TMEM232: variants seen among roughly 807,000 people sequenced by gnomAD.
The protein encoded by TMEM232 is transmembrane protein 232.
Under a neutral mutation model 78.8 loss-of-function variants are expected in TMEM232, and 80 were observed. The observed-to-expected ratio is 1.01, with a 90% CI of 0.85 to 1.22. The LOEUF is 1.22. TMEM232 is among the 50% of genes most tolerant of loss of function. The probability of loss-of-function intolerance (pLI) is 0.00; values close to 1 mark genes in which losing one functional copy is unlikely to be tolerated. For missense variants in TMEM232, 881 were observed against 742.2 expected, an observed-to-expected ratio of 1.19 and a Z score of -2.17; for synonymous variants, 297 against 254.3, an observed-to-expected ratio of 1.17 and a Z score of -1.60.
At chr5:110,427,890 G>A (rs555980263) in intron 12 of TMEM232, among the ~76,000 whole-genome samples, 1 of 151,410 alleles carries the variant, frequency 6.6e-6, no homozygotes, top group Non-Finnish European at 1.5e-5. Flanking sequence ...ATATTTAAGG[G>A]GTATATGAGA....
intron 2 of TMEM232, among the ~76,000 whole-genome samples, chr5:110,660,796 A>G (rs896379177): frequency 6.6e-6 from 1 of 152,196 alleles, no homozygotes; most frequent in African/African-American, 2.4e-5. Context: ...TAATTATAAT[A>G]TCCATCAATC....
chr5:110,597,028 G>C (rs1459486284), intron 10 of TMEM232, among the ~76,000 whole-genome samples: 2 of 152,258 alleles, frequency 1.3e-5, no homozygotes, highest in East Asian at 3.9e-4. Context: ...AATTAGGCAG[G>C]AGAAGGAAAT....
intron 12 of TMEM232, among the ~76,000 whole-genome samples, chr5:110,504,639 C>T (rs1434322372): frequency 6.6e-6 from 1 of 152,196 alleles, no homozygotes; most frequent in Non-Finnish European, 1.5e-5. Context: ...CAATTCGAGT[C>T]TGAAGACAAG....
At chr5:110,567,746 A>C (rs2149681584) in intron 11 of TMEM232, among the ~76,000 whole-genome samples, 1 of 152,038 alleles carries the variant, frequency 6.6e-6, no homozygotes, top group East Asian at 1.9e-4. Context: ...CCACCTTTAC[A>C]CTTTCTCTAG....
intron 1 of TMEM232, among the ~76,000 whole-genome samples, chr5:110,702,353 T>C (rs1795515592): frequency 6.6e-6 from 1 of 151,960 alleles, no homozygotes. Context: ...CCCTGTAGCA[T>C]ACCCCCTTGT....
chr5:110,691,782 A>G (rs1426941080), intron 1 of TMEM232, among the ~76,000 whole-genome samples: 1 of 152,224 alleles, frequency 6.6e-6, no homozygotes, highest in Admixed American at 6.5e-5. Flanking sequence ...TCTTACATGT[A>G]ATGTAAATGA....
chr5:110,540,213 CA>C (rs1042294733), intron 11 of TMEM232, among the ~76,000 whole-genome samples: 12 of 152,164 alleles, frequency 7.9e-5, no homozygotes. Context: ...GAACACAGAT[CA>C]ACTGCCTACT....
intron 3 of TMEM232, among the ~76,000 whole-genome samples, chr5:110,391,527 G>A (rs968300429): frequency 2.0e-5 from 3 of 151,868 alleles, no homozygotes; most frequent in Admixed American, 6.6e-5. Flanking sequence ...TAATATAAAG[G>A]GAATAGGTAA....
At chr5:110,469,369 A>G (rs1336179649) in intron 12 of TMEM232, among the ~76,000 whole-genome samples, 1 of 152,082 alleles carries the variant, frequency 6.6e-6, no homozygotes, top group African/African-American at 2.4e-5. Flanking sequence ...CTGCTGTTAT[A>G]CCCTACCAAA....
At chr5:110,424,563 T>C (rs1757036861) in intron 13 of TMEM232, among the ~76,000 whole-genome samples, 1 of 152,156 alleles carries the variant, frequency 6.6e-6, no homozygotes, top group Non-Finnish European at 1.5e-5. Flanking sequence ...AAGATTCTTG[T>C]CACAAGAAAT....
chr5:110,394,918 C>G lies in TMEM232; in HGVS notation n.390+2855G>C, dbSNP rs113746802. ...TCCCCTTCAAGCAGTAGTCCACTGT[C>G]ACTCAAAGCTTTCAGAATGGTGAGG... On this transcript the variant is annotated intron_variant and non_coding_transcript_variant, in intron 3 of 8. Coordinates refer to the TMEM232 transcript ENST00000507188. 2.4e-4 allele frequency among the ~76,000 whole-genome samples: 37 copies of G among 152,238 alleles called. 1 individual carries two copies. Among genetic ancestry groups the G allele is most frequent in the African/African-American group, 6.5e-4 (27 of 41,552 alleles).
At chr5:110,587,691 ATGTGTGTGTGTGTG>A (rs147127408) in intron 10 of TMEM232, among the ~76,000 whole-genome samples, 105 of 63,104 alleles carry the variant, frequency 1.7e-3, no homozygotes, top group African/African-American at 6.2e-3. Context: ...ATATATATAT[ATGTGTGTGTGTGTG>A]TGTGTGTGTG....
chr5:110,498,502 G>T (rs1446956420), intron 12 of TMEM232, among the ~76,000 whole-genome samples: 1 of 152,060 alleles, frequency 6.6e-6, no homozygotes, highest in Non-Finnish European at 1.5e-5. Flanking sequence ...TACCCTTCCA[G>T]AGGTGATAAA....
At chr5:110,707,754 C>T (rs1310281939) in intron 1 of TMEM232, among the ~76,000 whole-genome samples, 5 of 152,220 alleles carry the variant, frequency 3.3e-5, no homozygotes, top group Non-Finnish European at 7.3e-5. Flanking sequence ...AAAGAGACTC[C>T]TTCCTTCTGC....
intron 3 of TMEM232, among the ~76,000 whole-genome samples, chr5:110,390,832 C>T (rs796168218): frequency 2.0e-5 from 3 of 152,322 alleles, no homozygotes; most frequent in African/African-American, 4.8e-5. Flanking sequence ...CAAAAAGCCA[C>T]GTCCCTGACT....
In TMEM232 at chr5:110,604,841, C is replaced by A. The variant is rs1176350247; in HGVS notation, c.1276+268G>T. On this transcript the variant is annotated intron_variant, in intron 10 of 13. Transcript: ENST00000455884. ...GGCATGGTGGCGAGTGCCTGTAGTC[C>A]CAGCTACTCAGGAGGCTGAGGCAGG... Among the ~76,000 whole-genome samples the A allele has an allele frequency of 7.9e-5, 12 of 152,074 alleles. No homozygotes were observed. In the South Asian group the frequency reaches 1.7e-3, roughly 21 times the overall value.
chr5:110,442,802 C>A (rs994361302), intron 12 of TMEM232, among the ~76,000 whole-genome samples: 6 of 152,220 alleles, frequency 3.9e-5, no homozygotes, highest in African/African-American at 1.4e-4. Context: ...GGATTTGAAT[C>A]CCAAGCCCAA....
intron 11 of TMEM232, among the ~76,000 whole-genome samples, chr5:110,543,516 A>C (rs1179755814): frequency 6.6e-6 from 1 of 152,226 alleles, no homozygotes; most frequent in African/African-American, 2.4e-5. Context: ...GCCAGTCATC[A>C]ATGTAAACTT....
intron 1 of TMEM232, among the ~76,000 whole-genome samples, chr5:110,703,928 CT>C (rs1250505183): frequency 6.6e-6 from 1 of 151,996 alleles, no homozygotes; most frequent in Non-Finnish European, 1.5e-5. Flanking sequence ...TTTAGTTAAC[CT>C]AAGAGCAACT....
Sources: allele counts gnomAD v4.1 joint callset (sites outside exome capture counted in the v4.1 genomes callset), GRCh38; gene constraint gnomAD v4.1.1; transcripts MANE v1.5; gene names NCBI Gene and HGNC (gene_info 2026-07-23, HGNC 2026-07-21).